REC114: variants seen among roughly 807,000 people sequenced by gnomAD.
REC114 encodes the protein meiotic recombination protein REC114.
Under a neutral mutation model 31.3 loss-of-function variants are expected in REC114, and 27 were observed. The observed-to-expected ratio is 0.86, with a 90% CI of 0.64 to 1.19. The LOEUF (loss-of-function observed/expected upper bound fraction) is 1.19, where lower values mean the gene tolerates loss of function less well. Ranked by LOEUF, REC114 falls within the 50% of genes most tolerant of loss-of-function variation. The pLI is 0.00. For synonymous variants in REC114, 134 were observed against 127.7 expected, an observed-to-expected ratio of 1.05 and a Z score of -0.33; for missense variants, 344 against 326.9, an observed-to-expected ratio of 1.05 and a Z score of -0.40.
intron 3 of REC114, among the ~76,000 whole-genome samples, chr15:73,543,423 G>A (rs191187540): frequency 3.9e-5 from 6 of 151,944 alleles, no homozygotes; most frequent in African/African-American, 9.7e-5. Flanking sequence ...ACCTCCTCCC[G>A]TGTTCAAGCG....
intron 5 of REC114, among the ~76,000 whole-genome samples, chr15:73,557,414 T>TAAAAAAAA (rs767116205): frequency 5.3e-5 from 6 of 113,184 alleles, no homozygotes; most frequent in East Asian, 4.9e-4. Context: ...ATCAGTAGTT[T>TAAAAAAAA]AAAAAAAAAA....
At chr15:73,508,953 T>A (rs2141313398) in intron 2 of REC114, among the ~76,000 whole-genome samples, 2 of 150,724 alleles carry the variant, frequency 1.3e-5, no homozygotes, top group East Asian at 3.9e-4. Context: ...CATTTGGGTA[T>A]ATACCCAGTA....
intron 2 of REC114, among the ~76,000 whole-genome samples, chr15:73,527,330 C>G (rs954962365): frequency 1.3e-5 from 2 of 152,182 alleles, no homozygotes; most frequent in Admixed American, 1.3e-4. Flanking sequence ...TCAAGGAACG[C>G]ATATGCAGGT....
intron 2 of REC114, among the ~76,000 whole-genome samples, chr15:73,536,267 C>T (rs1286069550): frequency 1.3e-5 from 2 of 152,178 alleles, no homozygotes; most frequent in Non-Finnish European, 2.9e-5. Flanking sequence ...TCAGCACTTT[C>T]CTGGGTTATG....
chr15:73,456,208 T>C (rs1261080080), intron 1 of REC114, among the ~76,000 whole-genome samples: 1 of 152,278 alleles, frequency 6.6e-6, no homozygotes. Context: ...TATAATTTAG[T>C]CTACTAATAA....
At chr15:73,538,923 T>C (rs1006446303) in intron 2 of REC114, among the ~76,000 whole-genome samples, 14 of 151,952 alleles carry the variant, frequency 9.2e-5, no homozygotes, top group Non-Finnish European at 1.6e-4. Context: ...GCAGAAATGC[T>C]TACCCTTCTC....
chr15:73,542,350 A>T (rs1447037722), intron 3 of REC114, among the ~76,000 whole-genome samples: 2 of 151,706 alleles, frequency 1.3e-5, no homozygotes, highest in East Asian at 3.9e-4. Flanking sequence ...AAAAGAAAAA[A>T]AAAAAGAAAA....
intron 2 of REC114, among the ~76,000 whole-genome samples, chr15:73,514,336 C>CA (rs1186327090): frequency 2.0e-5 from 3 of 151,764 alleles, no homozygotes; most frequent in Non-Finnish European, 4.4e-5. Flanking sequence ...GGCCTGCGCC[C>CA]ACTGTCTGGC....
chr15:73,470,497 T>G (rs1893118976), intron 1 of REC114, among the ~76,000 whole-genome samples: 1 of 152,192 alleles, frequency 6.6e-6, no homozygotes, highest in Admixed American at 6.5e-5. Context: ...TTTTGCATCT[T>G]AATATGGTGC....
chr15:73,494,183 G>T (rs1893484236), intron 2 of REC114, among the ~76,000 whole-genome samples: 2 of 152,076 alleles, frequency 1.3e-5, no homozygotes, highest in African/African-American at 4.8e-5. Flanking sequence ...TATTGATATA[G>T]TTCTCTACTA....
intron 2 of REC114, among the ~76,000 whole-genome samples, chr15:73,512,741 ATTCTT>A (rs1306593259): frequency 4.1e-5 from 5 of 122,908 alleles, no homozygotes; most frequent in Admixed American, 7.8e-5. Flanking sequence ...TGGGTTGAAA[ATTCTT>A]TTCTTTAAGA....
chr15:73,498,432 C>T (rs1893557830), intron 2 of REC114, among the ~76,000 whole-genome samples: 1 of 151,872 alleles, frequency 6.6e-6, no homozygotes, highest in Non-Finnish European at 1.5e-5. Context: ...TTATTTCTTC[C>T]TGTCACAACA....
At chr15:73,479,953 G>A (rs560360800) in intron 2 of REC114, among the ~76,000 whole-genome samples, 25 of 152,218 alleles carry the variant, frequency 1.6e-4, no homozygotes, top group African/African-American at 5.8e-4. Flanking sequence ...TATATACCTG[G>A]AAGTGGGATT....
At chr15:73,477,049 T>C (rs1893224537) in intron 2 of REC114, among the ~76,000 whole-genome samples, 1 of 152,238 alleles carries the variant, frequency 6.6e-6, no homozygotes, top group Admixed American at 6.5e-5. Flanking sequence ...TTTTAACTTA[T>C]CTATCCTAAT....
At chr15:73,478,638 G>T (rs921055284) in intron 2 of REC114, among the ~76,000 whole-genome samples, 10 of 152,168 alleles carry the variant, frequency 6.6e-5, no homozygotes, top group Non-Finnish European at 1.5e-4. Context: ...TGATGGGACT[G>T]ATTTGAATCT....
At chr15:73,514,403 T>A (rs1893828265) in intron 2 of REC114, among the ~76,000 whole-genome samples, 1 of 152,002 alleles carries the variant, frequency 6.6e-6, no homozygotes, top group African/African-American at 2.4e-5. Context: ...TCACCCGTCT[T>A]CTGCGTCGCT....
chr15:73,487,002 C>T (rs1052813906), intron 2 of REC114, among the ~76,000 whole-genome samples: 42 of 151,870 alleles, frequency 2.8e-4, no homozygotes, highest in Admixed American at 5.2e-4. Context: ...GCCTGGACAA[C>T]AAGAGCGAAA....
At chr15:73,468,710 T>C (rs910794121) in intron 1 of REC114, among the ~76,000 whole-genome samples, 1 of 151,576 alleles carries the variant, frequency 6.6e-6, no homozygotes, top group Non-Finnish European at 1.5e-5. Flanking sequence ...ATGCCCTTTA[T>C]CAGCTTGAGG....
At position 73,559,812 on chromosome 15, in the gene REC114, G is replaced by GAGTT. The variant is rs1894552981; in HGVS notation, c.700_703dup (p.Gly235ValfsTer41). 5.6e-6 allele frequency: 9 copies of GAGTT among 1,612,778 alleles called. No individual in the cohort carries two copies. Among genetic ancestry groups the GAGTT allele is most frequent in the South Asian group, 1.1e-5 (1 of 90,902 alleles). On this transcript the variant is annotated frameshift_variant, in exon 6 of 6. Coordinates refer to ENST00000331090, the MANE Select transcript of REC114 (RefSeq NM_001042367.2). LOFTEE classifies it high-confidence loss of function. ...TGAACAATCTGCATGGGGTGCAGAA[G>GAGTT]AGTTAGGCCCCTTCCTACGTTTGTG...
Sources: allele counts gnomAD v4.1 joint callset (sites outside exome capture counted in the v4.1 genomes callset), GRCh38; gene constraint gnomAD v4.1.1; transcripts MANE v1.5; gene names NCBI Gene and HGNC (gene_info 2026-07-23, HGNC 2026-07-21).